Variants in FBXW11 observed in about 807,000 individuals in gnomAD.
FBXW11 encodes the protein F-box and WD repeat domain containing 11.
FBXW11 carries 19 observed loss-of-function variants against 77.6 expected under a neutral mutation model. The observed-to-expected ratio is 0.24, with a 90% CI of 0.17 to 0.36. FBXW11 has a LOEUF of 0.36. FBXW11 is among the 10% of genes least tolerant of loss of function. The pLI, the probability that FBXW11 is intolerant of heterozygous loss-of-function variation, is 1.00. For synonymous variants in FBXW11, 235 were observed against 249.4 expected, an observed-to-expected ratio of 0.94 and a Z score of 0.54; for missense variants, 334 against 704.2, an observed-to-expected ratio of 0.47 and a Z score of 5.95.
At chr5:171,933,006 C>T (rs1762295840) in intron 2 of FBXW11, among the ~76,000 whole-genome samples, 1 of 148,080 alleles carries the variant, frequency 6.8e-6, no homozygotes, top group Non-Finnish European at 1.5e-5. Context: ...TAGAATGCAC[C>T]TGTTGTTCCA....
At chr5:171,872,311 T>C (rs1469032422) in intron 10 of FBXW11, among the ~76,000 whole-genome samples, 1 of 152,240 alleles carries the variant, frequency 6.6e-6, no homozygotes, top group Non-Finnish European at 1.5e-5. Context: ...TAGTCACTTA[T>C]GTAATGCCAC....
chr5:171,878,603 A>AGTGAGT (rs1758290543), intron 7 of FBXW11, among the ~76,000 whole-genome samples: 2 of 128,474 alleles, frequency 1.6e-5, no homozygotes, highest in Non-Finnish European at 3.2e-5. Context: ...AGAGAGAGAG[A>AGTGAGT]GTGTGTGTGT....
intron 10 of FBXW11, 106 bp downstream of exon 10, chr5:171,872,766 G>T: frequency 1.2e-6 from 1 of 804,470 alleles, no homozygotes; most frequent in Non-Finnish European, 2.1e-6. Context: ...TTTCTTATCT[G>T]AAACATCCCA....
At chr5:171,877,080 C>T (rs954388653) in intron 8 of FBXW11, among the ~76,000 whole-genome samples, 7 of 152,088 alleles carry the variant, frequency 4.6e-5, no homozygotes, top group Admixed American at 2.0e-4. Context: ...TTAAAAGGGG[C>T]CCCTAAAAGC....
chr5:171,905,394 T>A (rs1375942257), intron 4 of FBXW11, among the ~76,000 whole-genome samples: 3 of 152,158 alleles, frequency 2.0e-5, no homozygotes, highest in African/African-American at 7.2e-5. Flanking sequence ...AACCTCCCAG[T>A]CTTGCTGCGA....
At chr5:171,924,462 C>A (rs1761775608) in intron 2 of FBXW11, among the ~76,000 whole-genome samples, 1 of 152,132 alleles carries the variant, frequency 6.6e-6, no homozygotes, top group Admixed American at 6.6e-5. Context: ...GGGGACTATG[C>A]CCATTTTGAG....
intron 1 of FBXW11, among the ~76,000 whole-genome samples, chr5:171,978,989 G>A (rs2113476395): frequency 6.6e-6 from 1 of 152,224 alleles, no homozygotes; most frequent in East Asian, 1.9e-4. Context: ...CATGTTTCAT[G>A]CAGAGAATAT....
chr5:171,965,410 C>T (rs1043517095), intron 1 of FBXW11, among the ~76,000 whole-genome samples: 1 of 152,006 alleles, frequency 6.6e-6, no homozygotes, highest in African/African-American at 2.4e-5. Flanking sequence ...CCTATGATCC[C>T]AGCTACTCAG....
chr5:172,001,188 G>A (rs1766390967), intron 1 of FBXW11, among the ~76,000 whole-genome samples: 1 of 152,106 alleles, frequency 6.6e-6, no homozygotes, highest in African/African-American at 2.4e-5. Flanking sequence ...ATGAAAGAAA[G>A]AAAATCTAAC....
At chr5:171,956,077 C>G (rs1215796694) in intron 2 of FBXW11, among the ~76,000 whole-genome samples, 1 of 152,146 alleles carries the variant, frequency 6.6e-6, no homozygotes, top group African/African-American at 2.4e-5. Flanking sequence ...CAATTTTTCC[C>G]CCTCTTAAAT....
At chr5:171,982,963 A>T (rs557286443) in intron 1 of FBXW11, among the ~76,000 whole-genome samples, 1 of 152,182 alleles carries the variant, frequency 6.6e-6, no homozygotes, top group African/African-American at 2.4e-5. Context: ...CCACTTTGGG[A>T]GGCCAAGGCA....
At chr5:171,987,857 G>T (rs948661333) in intron 1 of FBXW11, among the ~76,000 whole-genome samples, 2 of 152,082 alleles carry the variant, frequency 1.3e-5, no homozygotes, top group South Asian at 2.1e-4. Flanking sequence ...TCACACTATG[G>T]TATACTTTTT....
chr5:171,919,953 C>T (rs1371092014), intron 2 of FBXW11, among the ~76,000 whole-genome samples: 1 of 151,966 alleles, frequency 6.6e-6, no homozygotes, highest in African/African-American at 2.4e-5. Context: ...GCCAGGAGTT[C>T]GAGACCATCC....
chr5:171,986,918 T>A (rs1379061686), intron 1 of FBXW11, among the ~76,000 whole-genome samples: 1 of 152,110 alleles, frequency 6.6e-6, no homozygotes, highest in Non-Finnish European at 1.5e-5. Context: ...GAGGCAAAGC[T>A]TTATCTGTAT....
chr5:171,953,651 T>G (rs1205092538), intron 2 of FBXW11, among the ~76,000 whole-genome samples: 1 of 152,058 alleles, frequency 6.6e-6, no homozygotes, highest in Non-Finnish European at 1.5e-5. Context: ...CAGTAAGAGG[T>G]GGCAATTATC....
rs10052973 is a variant in FBXW11, at chr5:171,876,473, A to G, written c.1033T>C (p.Leu345=). Residue 345 remains leucine, a synonymous_variant, in exon 9 of 14, where the codon TTG becomes CTG. Coordinates refer to ENST00000517395, the MANE Select transcript of FBXW11 (RefSeq NM_001378974.1). The surrounding 1 kb of genome is among the most constrained non-coding windows in gnomAD (Gnocchi z 4.2). Reference sequence around the variant, plus strand: ...AGTCCATTGCTGAAGCGTAAGTGCAATACAGCCTCATTGTGGTGGATCAAT... The same window carrying G: ...AGTCCATTGCTGAAGCGTAAGTGCAGTACAGCCTCATTGTGGTGGATCAAT... ...NTLIHHNEAV[L]HLRFSNGLMV... 7.5e-3 allele frequency: 12,033 copies of G among 1,614,154 alleles called. 405 individuals carry two copies. The African/African-American group carries it at 0.094, about 13-fold the overall frequency.
intron 1 of FBXW11, among the ~76,000 whole-genome samples, chr5:171,970,509 A>T (rs915028026): frequency 1.3e-5 from 2 of 152,166 alleles, no homozygotes; most frequent in Non-Finnish European, 2.9e-5. Flanking sequence ...TACAAATTCA[A>T]ACCTTACATC....
At chr5:171,873,099 A>G in intron 9 of FBXW11, 109 bp from the exon 10 acceptor site, 1 of 887,382 alleles carries the variant, frequency 1.1e-6, no homozygotes, top group East Asian at 2.7e-5. Context: ...ATATGTGATT[A>G]TAAAATACGG....
At chr5:171,913,205 T>C (rs1425864100) in intron 3 of FBXW11, among the ~76,000 whole-genome samples, 1 of 152,246 alleles carries the variant, frequency 6.6e-6, no homozygotes, top group East Asian at 1.9e-4. Flanking sequence ...TGCATTTGTG[T>C]ACTGCTTTAT....
Sources: gnomAD v4.1 joint callset for allele counts (sites outside exome capture counted in the v4.1 genomes callset) on GRCh38, gnomAD v4.1.1 for gene constraint, Gnocchi (gnomAD v3.1) non-coding constraint, MANE v1.5 for transcripts, NCBI Gene and HGNC (gene_info 2026-07-23, HGNC 2026-07-21) for gene names.